The following PTPRD variants were observed in gnomAD, a reference collection of about 807,000 sequenced individuals.
PTPRD encodes protein tyrosine phosphatase receptor type D.
PTPRD carries 34 observed loss-of-function variants against 214.5 expected under a neutral mutation model. The ratio of observed to expected loss-of-function variants is 0.16; its 90% CI spans 0.12 to 0.21. PTPRD has a LOEUF of 0.21. PTPRD is among the 10% of genes least tolerant of loss of function. PTPRD has a pLI of 1.00. For synonymous variants in PTPRD, 1,128 were observed against 845.7 expected, an observed-to-expected ratio of 1.33 and a Z score of -5.79; for missense variants, 2,545 against 2,398.7, an observed-to-expected ratio of 1.06 and a Z score of -1.27.
intron 3 of PTPRD, among the ~76,000 whole-genome samples, chr9:10,338,998 G>T (rs2096892366): frequency 6.6e-6 from 1 of 151,518 alleles, no homozygotes; most frequent in Non-Finnish European, 1.5e-5. Context: ...AACTGAGCAA[G>T]AACAAAGTAA....
chr9:9,352,325 ATATGTGTGTGTGTGTGTG>A (rs1305573293), intron 9 of PTPRD, among the ~76,000 whole-genome samples: 2 of 142,594 alleles, frequency 1.4e-5, no homozygotes, highest in African/African-American at 2.6e-5. Flanking sequence ...ATATATATAT[ATATGTGTGTGTGTGTGTG>A]TGTGTGTGTG....
intron 5 of PTPRD, among the ~76,000 whole-genome samples, chr9:9,815,546 C>G (rs2048483912): frequency 6.6e-6 from 1 of 151,920 alleles, no homozygotes; most frequent in Non-Finnish European, 1.5e-5. Context: ...TTCTACACAG[C>G]AAAGGAAACA....
rs199628203 is a variant in PTPRD at position 8,521,368 on chromosome 9, T to C, written c.870A>G (p.Glu290=). The change falls in exon 20 of 46, where the codon GAA becomes GAG. Residue 290 remains glutamate, a synonymous_variant. Transcript: ENST00000381196. ...DDMPIGRNVL[E]LNDVRQSANY... is the part of the protein sequence containing the mutation. ...TTGCTGACTGTCTTACATCATTCAG[T>C]TCTAGCACATTTCTTCCTATTGGCA... 2.6e-5 allele frequency: 42 copies of C among 1,613,962 alleles called. No individual in the cohort carries two copies. The Admixed American group carries it at 3.5e-4, about 13-fold the overall frequency.
chr9:10,017,283 T>C (rs1355606435), intron 4 of PTPRD, among the ~76,000 whole-genome samples: 2 of 152,136 alleles, frequency 1.3e-5, no homozygotes, highest in African/African-American at 4.8e-5. Context: ...TCTTTGTCCA[T>C]TTATTTTATC....
intron 39 of PTPRD, among the ~76,000 whole-genome samples, chr9:8,372,368 T>C: frequency 6.6e-6 from 1 of 152,092 alleles, no homozygotes; most frequent in East Asian, 1.9e-4. Flanking sequence ...CATACTTCTA[T>C]ATGCCATGCA....
At chr9:10,565,438 T>C (rs900375533) in intron 2 of PTPRD, among the ~76,000 whole-genome samples, 3 of 152,090 alleles carry the variant, frequency 2.0e-5, no homozygotes, top group South Asian at 2.1e-4. Flanking sequence ...GTATTAAGAA[T>C]GCTGAATTAG....
At position 9,905,922 on chromosome 9, in the gene PTPRD, T is replaced by TATTA. The variant is rs1459138196; in HGVS notation, c.-368+32581_-368+32584dup. Among the ~76,000 whole-genome samples, 6 of 152,118 alleles carry TATTA rather than the reference T, an allele frequency of 3.9e-5. No individual in the cohort carries two copies. The East Asian group carries it at 1.2e-3, about 29-fold the overall frequency. On this transcript the variant is annotated intron_variant, in intron 5 of 45. Transcript: ENST00000381196. ...GCATGTGTGTGGAGAATTAACAGAC[T>TATTA]ATTAAGATAAGGTGGGACCAGAATA...
chr9:8,546,761 A>G (rs1472598080), intron 14 of PTPRD, among the ~76,000 whole-genome samples: 1 of 152,152 alleles, frequency 6.6e-6, no homozygotes, highest in African/African-American at 2.4e-5. Flanking sequence ...GGAGCCTCCC[A>G]AAGTCCTGGG....
At chr9:9,257,225 ACT>A (rs2099978114) in intron 9 of PTPRD, among the ~76,000 whole-genome samples, 1 of 151,760 alleles carries the variant, frequency 6.6e-6, no homozygotes, top group South Asian at 2.1e-4. Flanking sequence ...GCTGTGGGAA[ACT>A]CTGAGCAGAA....
intron 5 of PTPRD, among the ~76,000 whole-genome samples, chr9:9,818,606 AC>A (rs2049571169): frequency 6.6e-6 from 1 of 152,100 alleles, no homozygotes; most frequent in East Asian, 1.9e-4. Flanking sequence ...ACCAATACTA[AC>A]AAACATTATT....
At chr9:10,042,674 G>C (rs1309390160) in intron 3 of PTPRD, among the ~76,000 whole-genome samples, 2 of 151,818 alleles carry the variant, frequency 1.3e-5, no homozygotes, top group African/African-American at 2.4e-5. Context: ...AAAATTGGAG[G>C]ACCACCAGAT....
chr9:9,461,028 T>C (rs895203289), intron 8 of PTPRD, among the ~76,000 whole-genome samples: 1 of 152,018 alleles, frequency 6.6e-6, no homozygotes, highest in Non-Finnish European at 1.5e-5. Flanking sequence ...GGTAGCAACA[T>C]GGATGGAACT....
intron 6 of PTPRD, among the ~76,000 whole-genome samples, chr9:9,759,307 C>G (rs377506600): frequency 4.1e-4 from 62 of 152,196 alleles, no homozygotes; most frequent in African/African-American, 1.5e-3. Flanking sequence ...TAAACTGGCA[C>G]TGACTGCCGC....
At chr9:8,391,672 C>G (rs1199654882) in intron 36 of PTPRD, among the ~76,000 whole-genome samples, 1 of 152,168 alleles carries the variant, frequency 6.6e-6, no homozygotes, top group Non-Finnish European at 1.5e-5. Context: ...AAGGGCCTCA[C>G]TCAGCTGCCA....
At chr9:9,349,879 G>A (rs530790487) in intron 9 of PTPRD, among the ~76,000 whole-genome samples, 3 of 151,994 alleles carry the variant, frequency 2.0e-5, no homozygotes, top group South Asian at 4.1e-4. Context: ...ATTGTAAAAA[G>A]CCATTTCATG....
intron 8 of PTPRD, among the ~76,000 whole-genome samples, chr9:9,516,394 C>A (rs557364952): frequency 6.6e-6 from 1 of 151,684 alleles, no homozygotes; most frequent in Non-Finnish European, 1.5e-5. Flanking sequence ...TGAACTTGAT[C>A]GAGAAAAGAT....
At chr9:8,845,358 A>G (rs1361427504) in intron 11 of PTPRD, among the ~76,000 whole-genome samples, 1 of 152,214 alleles carries the variant, frequency 6.6e-6, no homozygotes, top group African/African-American at 2.4e-5. Flanking sequence ...CGTACATGTC[A>G]TTTGAATACA....
At chr9:8,628,654 A>C (rs2096134929) in intron 14 of PTPRD, among the ~76,000 whole-genome samples, 1 of 151,782 alleles carries the variant, frequency 6.6e-6, no homozygotes, top group Non-Finnish European at 1.5e-5. Context: ...AGGGAAGTTA[A>C]CGTATTTGCT....
At chr9:9,499,919 T>A (rs1472623982) in intron 8 of PTPRD, among the ~76,000 whole-genome samples, 1 of 152,002 alleles carries the variant, frequency 6.6e-6, no homozygotes, top group Admixed American at 6.6e-5. Context: ...CAATGAAAAC[T>A]GATCCATACC....
Sources: gnomAD v4.1 joint callset for allele counts (sites outside exome capture counted in the v4.1 genomes callset) on GRCh38, gnomAD v4.1.1 for gene constraint, MANE v1.5 for transcripts, NCBI Gene and HGNC (gene_info 2026-07-23, HGNC 2026-07-21) for gene names.